Variants in NBAS observed in about 807,000 individuals in gnomAD.
NBAS encodes NBAS subunit of NRZ tethering complex.
In NBAS, 219 loss-of-function variants were observed where a neutral mutation model predicts 302.5. The observed-to-expected ratio is 0.72, with a 90% CI of 0.65 to 0.81. The LOEUF is 0.81. Among genes scored for constraint, NBAS ranks in the 30% least tolerant of loss-of-function variants. The probability of loss-of-function intolerance (pLI) is 0.00; values close to 1 mark genes in which losing one functional copy is unlikely to be tolerated. For synonymous variants in NBAS, 1,118 were observed against 1,021.6 expected, an observed-to-expected ratio of 1.09 and a Z score of -1.80; for missense variants, 2,932 against 2,841.6, an observed-to-expected ratio of 1.03 and a Z score of -0.72.
chr2:15,437,722 T>A (rs1678102008), intron 21 of NBAS, among the ~76,000 whole-genome samples: 1 of 152,188 alleles, frequency 6.6e-6, no homozygotes, highest in African/African-American at 2.4e-5. Context: ...TACATAACAT[T>A]CATTCATTCC....
chr2:14,901,972 A>G, the NBAS span, among the ~76,000 whole-genome samples: 58 of 152,310 alleles, frequency 3.8e-4, no homozygotes, highest in African/African-American at 1.4e-3. Context: ...CTCTCGCGAT[A>G]ACAGCCTCCC....
rs535605526 is a variant in NBAS at position 15,290,643 on chromosome 2, T to C, written c.5027+1894A>G. 7.9e-5 allele frequency among the ~76,000 whole-genome samples: 12 copies of C among 152,358 alleles called. No homozygotes were observed. In the South Asian group the frequency reaches 1.4e-3, roughly 18 times the overall value. On this transcript the variant is annotated intron_variant, in intron 41 of 51. Coordinates refer to ENST00000281513, the MANE Select transcript of NBAS (RefSeq NM_015909.4). The stretch of plus-strand genomic sequence containing the variant: ...GAAACCCAAGCTCAACTCCTGGCTG[T>C]GTGACTTTGAGCAACTCTTTAAAGC...
At chr2:15,173,371 C>T (rs554064247) in intron 51 of NBAS, among the ~76,000 whole-genome samples, 33 of 152,142 alleles carry the variant, frequency 2.2e-4, no homozygotes, top group African/African-American at 7.7e-4. Context: ...GCTGAAATTC[C>T]AGAAGCATAA....
chr2:15,508,675 T>TA (rs200190617), intron 10 of NBAS, among the ~76,000 whole-genome samples: 1 of 151,744 alleles, frequency 6.6e-6, no homozygotes, highest in African/African-American at 2.4e-5. Flanking sequence ...ACACATAATT[T>TA]AAAATTTTTT....
the NBAS span, among the ~76,000 whole-genome samples, chr2:14,876,371 AG>A: frequency 6.6e-6 from 1 of 152,306 alleles, no homozygotes; most frequent in Non-Finnish European, 1.5e-5. Flanking sequence ...TTTATTCCCC[AG>A]TTTCCTTATG....
At chr2:15,331,900 G>A (rs1001146497) in intron 35 of NBAS, among the ~76,000 whole-genome samples, 2 of 152,182 alleles carry the variant, frequency 1.3e-5, no homozygotes, top group African/African-American at 4.8e-5. Flanking sequence ...AATTATCTGA[G>A]TAGGACCAAG....
At chr2:15,124,764 T>C in the NBAS span, among the ~76,000 whole-genome samples, 1 of 152,206 alleles carries the variant, frequency 6.6e-6, no homozygotes, top group Admixed American at 6.5e-5. Flanking sequence ...AGTCTTAGCA[T>C]CTTCCATGTA....
rs1298247880 is a variant in NBAS at position 15,390,270 on chromosome 2, G to T, written c.3257+3957C>A. 2.0e-5 allele frequency among the ~76,000 whole-genome samples: 3 copies of T among 152,140 alleles called. No homozygotes were observed. In the East Asian group the frequency reaches 5.8e-4, roughly 29 times the overall value. On this transcript the variant is annotated intron_variant, in intron 28 of 51. Transcript: ENST00000281513. ...CCATCCCAACTGCAAAAAGCAAAAA[G>T]ATTAAACTGTTTGCAAGTAAATTAA...
At chr2:15,091,934 T>G in the NBAS span, among the ~76,000 whole-genome samples, 11 of 152,250 alleles carry the variant, frequency 7.2e-5, no homozygotes, top group Non-Finnish European at 1.3e-4. Flanking sequence ...GTTAAAAGAC[T>G]GCTTATGTTA....
chr2:15,219,690 A>G (rs1666839761), intron 47 of NBAS, among the ~76,000 whole-genome samples: 4 of 136,762 alleles, frequency 2.9e-5, no homozygotes, highest in Non-Finnish European at 4.7e-5. Flanking sequence ...TTTTCTTAGT[A>G]CAGAACAAAA....
At chr2:15,221,096 A>C (rs1158085799) in intron 47 of NBAS, among the ~76,000 whole-genome samples, 1 of 152,208 alleles carries the variant, frequency 6.6e-6, no homozygotes, top group Non-Finnish European at 1.5e-5. Context: ...TCAGAAATGG[A>C]AACAATTAGG....
intron 19 of NBAS, among the ~76,000 whole-genome samples, chr2:15,465,822 T>G (rs1679698474): frequency 6.6e-6 from 1 of 152,048 alleles, no homozygotes; most frequent in Non-Finnish European, 1.5e-5. Flanking sequence ...TAAAAAATAA[T>G]GAAAAAAATT....
chr2:14,931,806 C>T, the NBAS span, among the ~76,000 whole-genome samples: 1 of 152,188 alleles, frequency 6.6e-6, no homozygotes, highest in Non-Finnish European at 1.5e-5. Flanking sequence ...CTGACCCTTC[C>T]TTATACTCCC....
intron 46 of NBAS, among the ~76,000 whole-genome samples, chr2:15,233,903 A>G (rs1667481706): frequency 6.6e-6 from 1 of 152,216 alleles, no homozygotes; most frequent in Admixed American, 6.5e-5. Context: ...ACATAACTAA[A>G]TCTTTTAGCC....
the NBAS span, among the ~76,000 whole-genome samples, chr2:15,092,780 C>T: frequency 2.0e-5 from 3 of 152,120 alleles, no homozygotes; most frequent in South Asian, 6.2e-4. Context: ...AAAATGTCTA[C>T]TTTGGGTTTC....
chr2:14,870,117 TGATCC>T, the NBAS span, among the ~76,000 whole-genome samples: 1 of 152,184 alleles, frequency 6.6e-6, no homozygotes, highest in Non-Finnish European at 1.5e-5. Flanking sequence ...AGTATATCAA[TGATCC>T]CTATAAATTC....
chr2:15,554,325 T>C (rs764082318), intron 3 of NBAS, among the ~76,000 whole-genome samples, 187 bp from the exon 4 acceptor site: 1 of 152,072 alleles, frequency 6.6e-6, no homozygotes, highest in Non-Finnish European at 1.5e-5. Flanking sequence ...TATATATTTC[T>C]CTATTTCCAA....
the NBAS span, among the ~76,000 whole-genome samples, chr2:15,073,159 A>G: frequency 6.6e-6 from 1 of 152,022 alleles, no homozygotes; most frequent in African/African-American, 2.4e-5. Flanking sequence ...AATAACACAG[A>G]AAATTCTTCT....
At chr2:15,283,105 T>C (rs1669895292) in intron 42 of NBAS, among the ~76,000 whole-genome samples, 2 of 152,166 alleles carry the variant, frequency 1.3e-5, no homozygotes, top group African/African-American at 4.8e-5. Flanking sequence ...GATGTGTCTG[T>C]CTTGTTCAGC....
Sources: gnomAD v4.1 joint callset for allele counts (sites outside exome capture counted in the v4.1 genomes callset) on GRCh38, gnomAD v4.1.1 for gene constraint, MANE v1.5 for transcripts, NCBI Gene and HGNC (gene_info 2026-07-23, HGNC 2026-07-21) for gene names.